The following BPTF variants were observed in gnomAD, a reference collection of about 807,000 sequenced individuals.
BPTF encodes the protein bromodomain PHD finger transcription factor.
A neutral mutation model predicts 292.5 loss-of-function variants in BPTF; 18 were observed. The observed-to-expected ratio is 0.06, with a 90% CI of 0.04 to 0.09. The LOEUF is 0.09. Ranked by LOEUF, BPTF falls within the 10% of genes least tolerant of loss-of-function variation. The probability of loss-of-function intolerance (pLI) is 1.00; values close to 1 mark genes in which losing one functional copy is unlikely to be tolerated. For missense variants in BPTF, 2,726 were observed against 3,498.7 expected (o/e 0.78, Z 5.57); for synonymous variants, 1,225 against 1,251.9 (o/e 0.98, Z 0.45).
In BPTF at chr17:67,843,299, T is replaced by C. The variant is rs531356556; in HGVS notation, c.614-10641T>C. Among the ~76,000 whole-genome samples, 241 of 150,526 alleles carry C rather than the reference T, an allele frequency of 1.6e-3. 2 individuals carry two copies. The highest frequency in any genetic ancestry group is 5.4e-3 in the African/African-American group (224 of 41,262). On this transcript the variant is annotated intron_variant, in intron 1 of 27. Transcript: ENST00000306378. Reference sequence around the variant, plus strand: ...ATAGATATGTAGACATAGATACATATAGATATATATCTACATGAGATTGAG... The same window carrying C: ...ATAGATATGTAGACATAGATACATACAGATATATATCTACATGAGATTGAG...
At chr17:67,829,655 G>A (rs1375928920) in intron 1 of BPTF, among the ~76,000 whole-genome samples, 3 of 151,984 alleles carry the variant, frequency 2.0e-5, no homozygotes, top group African/African-American at 7.3e-5. Flanking sequence ...AAAAGTTTTA[G>A]AACTGGTTTA....
At chr17:67,909,275 C>T (rs530826795) in intron 9 of BPTF, among the ~76,000 whole-genome samples, 1 of 87,762 alleles carries the variant, frequency 1.1e-5, no homozygotes, top group Non-Finnish European at 2.5e-5. Context: ...AGGTCCCCCC[C>T]CCCCTTTTTT....
At chr17:67,923,027 G>T in intron 14 of BPTF, 37 bp downstream of exon 14, 1 of 1,547,226 alleles carries the variant, frequency 6.5e-7, no homozygotes, top group South Asian at 1.2e-5. Context: ...GCTATTTGAA[G>T]ATTTTATCAC....
intron 19 of BPTF, among the ~76,000 whole-genome samples, chr17:67,942,246 G>A (rs2065430730): frequency 6.6e-6 from 1 of 151,944 alleles, no homozygotes; most frequent in African/African-American, 2.4e-5. Flanking sequence ...AACCCAAGAA[G>A]CAGAGGTTGC....
intron 9 of BPTF, among the ~76,000 whole-genome samples, chr17:67,908,227 C>G (rs2062369331): frequency 6.6e-6 from 1 of 152,084 alleles, no homozygotes; most frequent in Admixed American, 6.6e-5. Flanking sequence ...GGCACCATCT[C>G]AGCTCGCTGC....
intron 4 of BPTF, among the ~76,000 whole-genome samples, chr17:67,881,254 T>C (rs1308174911): frequency 6.6e-6 from 1 of 152,192 alleles, no homozygotes; most frequent in African/African-American, 2.4e-5. Flanking sequence ...AGATTGCTAC[T>C]ATCACTTTTA....
At chr17:67,917,822 T>C (rs954610627) in intron 11 of BPTF, among the ~76,000 whole-genome samples, 2 of 151,630 alleles carry the variant, frequency 1.3e-5, no homozygotes, top group African/African-American at 4.8e-5. Context: ...TTGTTTTGTT[T>C]TGTTTTTGAG....
intron 11 of BPTF, among the ~76,000 whole-genome samples, chr17:67,914,118 A>G (rs2078769949): frequency 6.6e-6 from 1 of 152,204 alleles, no homozygotes; most frequent in South Asian, 2.1e-4. Context: ...AGATTTTGCT[A>G]GGACCCTCAA....
rs782727606 is a variant in BPTF, at chr17:67,959,651, C to G, written c.8037C>G (p.Ala2679=). ...PCPPVTPAPP[A]PPAPPPSPPP... ...CCCCAGTGACACCAGCTCCTCCAGCCCCTCCAGCCCCTCCACCTTCACCTC... is the reference window on the plus strand; with the variant it reads ...CCCCAGTGACACCAGCTCCTCCAGCGCCTCCAGCCCCTCCACCTTCACCTC... The change falls in exon 24 of 28, where the codon GCC becomes GCG. Residue 2679 remains alanine (A), a synonymous_variant. Transcript: ENST00000306378. 1 of 1,605,434 alleles carries G rather than the reference C, an allele frequency of 6.2e-7. No homozygotes were observed. Among genetic ancestry groups the G allele is most frequent in the Admixed American group, 1.7e-5 (1 of 58,250 alleles).
At chr17:67,920,427 A>G (rs2063353157) in intron 13 of BPTF, among the ~76,000 whole-genome samples, 1 of 152,206 alleles carries the variant, frequency 6.6e-6, no homozygotes, top group Non-Finnish European at 1.5e-5. Flanking sequence ...GCTCCTGGAG[A>G]GCAGCCATCT....
intron 1 of BPTF, among the ~76,000 whole-genome samples, chr17:67,836,197 A>G (rs1201044130): frequency 6.6e-6 from 1 of 152,176 alleles, no homozygotes; most frequent in Non-Finnish European, 1.5e-5. Context: ...TTATTTATCT[A>G]TGGAACCCCC....
At position 67,854,783 on chromosome 17, in the gene BPTF, T is replaced by C; in HGVS notation, c.1436+21T>C. On this transcript the variant is annotated intron_variant, in intron 2 of 27. Coordinates refer to ENST00000306378, the MANE Select transcript of BPTF (RefSeq NM_182641.4). The surrounding 1 kb of genome is among the most constrained non-coding windows in gnomAD (Gnocchi z 5.6). ...ATAATGTAAGTAAATCTGGTCTTAA[T>C]TTTTTGTATGCATTTAAAATTAGAC... The C allele has an allele frequency of 6.4e-7, 1 of 1,556,324 alleles. No individual in the cohort carries two copies. Among genetic ancestry groups the C allele is most frequent in the Non-Finnish European group, 8.8e-7 (1 of 1,135,676 alleles).
chr17:67,905,669 G>A (rs1336875763), intron 9 of BPTF, among the ~76,000 whole-genome samples: 1 of 151,996 alleles, frequency 6.6e-6, no homozygotes, highest in East Asian at 1.9e-4. Flanking sequence ...TAATTGTGCT[G>A]TTGCACTCGA....
chr17:67,837,460 T>A (rs1598135122), intron 1 of BPTF, among the ~76,000 whole-genome samples: 1 of 151,658 alleles, frequency 6.6e-6, no homozygotes, highest in South Asian at 2.1e-4. Flanking sequence ...CAGGCTGGAG[T>A]GCAGTGGCAT....
At chr17:67,966,721 AT>A in intron 26 of BPTF, 65 bp downstream of exon 26, 1 of 1,300,342 alleles carries the variant, frequency 7.7e-7, no homozygotes, top group Non-Finnish European at 1.0e-6. Flanking sequence ...TATCCATAAA[AT>A]TAATATCTTA....
chr17:67,832,381 C>T (rs994451594), intron 1 of BPTF, among the ~76,000 whole-genome samples: 2 of 151,908 alleles, frequency 1.3e-5, no homozygotes, highest in African/African-American at 4.8e-5. Context: ...TGGTATATAT[C>T]TAAAATTTTT....
At chr17:67,900,774 T>C (rs1024280590) in intron 7 of BPTF, among the ~76,000 whole-genome samples, 1 of 151,076 alleles carries the variant, frequency 6.6e-6, no homozygotes, top group Admixed American at 6.6e-5. Flanking sequence ...CTTTGAGAGG[T>C]TGAGGAGGGA....
At chr17:67,950,933 G>A (rs1347071598) in intron 23 of BPTF, 5 of 151,670 alleles carry the variant, frequency 3.3e-5, no homozygotes, top group African/African-American at 1.2e-4. Flanking sequence ...TCAGCCTCCC[G>A]AGTTGCTGAG....
intron 1 of BPTF, among the ~76,000 whole-genome samples, chr17:67,829,406 G>A (rs560835844): frequency 6.6e-6 from 1 of 151,850 alleles, no homozygotes; most frequent in African/African-American, 2.4e-5. Flanking sequence ...TGTTGCATAG[G>A]TATACGTGTG....
Sources: allele counts gnomAD v4.1 joint callset (sites outside exome capture counted in the v4.1 genomes callset), GRCh38; gene constraint gnomAD v4.1.1; non-coding constraint Gnocchi (gnomAD v3.1); transcripts MANE v1.5; gene names NCBI Gene and HGNC (gene_info 2026-07-23, HGNC 2026-07-21).